Variants in TFG observed in about 807,000 individuals in gnomAD.
TFG encodes the protein trafficking from ER to golgi regulator.
A neutral mutation model predicts 51.4 loss-of-function variants in TFG; 22 were observed. The observed-to-expected ratio is 0.43, with a 90% confidence interval of 0.31 to 0.61. The LOEUF is 0.61. TFG is among the 20% of genes least tolerant of loss of function. The probability of loss-of-function intolerance (pLI) is 0.12; values close to 1 mark genes in which losing one functional copy is unlikely to be tolerated. For missense variants in TFG, 419 were observed against 487.7 expected, an observed-to-expected ratio of 0.86 and a Z score of 1.33; for synonymous variants, 187 against 165.6, an observed-to-expected ratio of 1.13 and a Z score of -0.99.
At chr3:100,746,288 C>T (rs1160878556) in intron 7 of TFG, among the ~76,000 whole-genome samples, 1 of 152,050 alleles carries the variant, frequency 6.6e-6, no homozygotes, top group Non-Finnish European at 1.5e-5. Flanking sequence ...GCCCCATTCC[C>T]AGAGATTTTG....
rs150933046 is a variant in TFG, at chr3:100,736,154, G to T, written c.581-422G>T. Among the ~76,000 whole-genome samples, 917 of 152,222 alleles carry T rather than the reference G, an allele frequency of 6.0e-3. 14 individuals are homozygous for T. Among genetic ancestry groups the T allele is most frequent in the African/African-American group, 0.021 (873 of 41,530 alleles). ...GCTGAAAGGGAGGCATGTGAGAAGAGAAATTGTGAGAAATAATGTTTGGAC... is the reference window on the plus strand; with the variant it reads ...GCTGAAAGGGAGGCATGTGAGAAGATAAATTGTGAGAAATAATGTTTGGAC... On this transcript the variant is annotated intron_variant, in intron 5 of 7. Transcript: ENST00000240851.
intron 3 of TFG, among the ~76,000 whole-genome samples, chr3:100,724,444 G>A (rs957274908): frequency 6.6e-6 from 1 of 152,062 alleles, no homozygotes; most frequent in Non-Finnish European, 1.5e-5. Context: ...AGTATCCTAG[G>A]TAAATTTAAT....
intron 5 of TFG, among the ~76,000 whole-genome samples, chr3:100,735,019 A>AACTGTAATAAATT (rs2095102688): frequency 6.6e-6 from 1 of 152,244 alleles, no homozygotes; most frequent in Admixed American, 6.5e-5. Flanking sequence ...AATGAATATT[A>AACTGTAATAAATT]ACTGTAATAA....
intron 3 of TFG, among the ~76,000 whole-genome samples, chr3:100,725,096 C>T (rs1211459674): frequency 1.3e-5 from 2 of 151,872 alleles, no homozygotes; most frequent in South Asian, 2.1e-4. Context: ...TTAGTAGAGA[C>T]GGGGTTTCAC....
chr3:100,747,402 T>C (rs2095139377), intron 7 of TFG: 1 of 152,520 alleles, frequency 6.6e-6, no homozygotes, highest in African/African-American at 2.4e-5. Context: ...ATCTGGTATT[T>C]AATGCTGACA....
At chr3:100,738,375 C>T (rs2095112418) in intron 6 of TFG, among the ~76,000 whole-genome samples, 1 of 152,008 alleles carries the variant, frequency 6.6e-6, no homozygotes, top group South Asian at 2.1e-4. Flanking sequence ...TAAATAAATC[C>T]CATTTTAAGC....
At chr3:100,733,865 C>G (rs915256996) in intron 5 of TFG, among the ~76,000 whole-genome samples, 1 of 152,164 alleles carries the variant, frequency 6.6e-6, no homozygotes, top group African/African-American at 2.4e-5. Context: ...TGAAAATATG[C>G]ATGCCATAGT....
intron 3 of TFG, among the ~76,000 whole-genome samples, chr3:100,723,403 G>A (rs1480879263): frequency 2.6e-5 from 4 of 151,990 alleles, no homozygotes; most frequent in African/African-American, 9.7e-5. Flanking sequence ...TCAATAGATA[G>A]AACAGAATAC....
chr3:100,736,877 T>C (rs2095108058), intron 6 of TFG, among the ~76,000 whole-genome samples, 161 bp downstream of exon 6: 1 of 152,140 alleles, frequency 6.6e-6, no homozygotes, highest in Admixed American at 6.5e-5. Flanking sequence ...TAGAACAATA[T>C]GTCAGGTATG....
At chr3:100,721,312 C>A (rs2095060172) in intron 3 of TFG, among the ~76,000 whole-genome samples, 1 of 151,452 alleles carries the variant, frequency 6.6e-6, no homozygotes, top group Non-Finnish European at 1.5e-5. Context: ...GCCTGATGTA[C>A]CAAAAGCTGA....
At chr3:100,739,885 G>T (rs973744071) in intron 6 of TFG, among the ~76,000 whole-genome samples, 2 of 152,030 alleles carry the variant, frequency 1.3e-5, no homozygotes, top group African/African-American at 4.8e-5. Flanking sequence ...TTGTGACAGG[G>T]TGTCACTCTG....
chr3:100,741,349 G>A (rs914329414), intron 6 of TFG, among the ~76,000 whole-genome samples: 1 of 151,968 alleles, frequency 6.6e-6, no homozygotes, highest in Non-Finnish European at 1.5e-5. Context: ...TGCTGTATAG[G>A]CCTAGGCTAA....
chr3:100,743,777 G>C (rs1199299630), intron 6 of TFG: 1 of 151,726 alleles, frequency 6.6e-6, no homozygotes, highest in East Asian at 1.9e-4. Flanking sequence ...ACTGCAGCTC[G>C]ATTTGAGTGG....
At chr3:100,738,069 CAAAAA>C (rs2095111411) in intron 6 of TFG, among the ~76,000 whole-genome samples, 1 of 79,420 alleles carries the variant, frequency 1.3e-5, no homozygotes, top group Admixed American at 1.8e-4. Flanking sequence ...GACCCTGTCT[CAAAAA>C]CAAACAAAGC....
chr3:100,738,079 C>G (rs1427198493), intron 6 of TFG, among the ~76,000 whole-genome samples: 1 of 37,268 alleles, frequency 2.7e-5, no homozygotes, highest in Middle Eastern at 0.016. Context: ...CAAAAACAAA[C>G]AAAGCCAAAA....
chr3:100,738,763 C>A (rs191527708), intron 6 of TFG, among the ~76,000 whole-genome samples: 144 of 152,262 alleles, frequency 9.5e-4, no homozygotes, highest in Non-Finnish European at 1.4e-3. Context: ...AATAACTGAT[C>A]TAATTCTAGA....
intron 2 of TFG, among the ~76,000 whole-genome samples, chr3:100,717,174 A>G (rs982280666): frequency 6.6e-6 from 1 of 152,338 alleles, no homozygotes; most frequent in Non-Finnish European, 1.5e-5. Flanking sequence ...TTGGCTATAG[A>G]TAACATGGAT....
At chr3:100,724,506 A>ATTT (rs1406333142) in intron 3 of TFG, among the ~76,000 whole-genome samples, 1 of 152,238 alleles carries the variant, frequency 6.6e-6, no homozygotes, top group Non-Finnish European at 1.5e-5. Flanking sequence ...CATTAAAGAA[A>ATTT]TTGGGCCAAC....
At position 100,713,647 on chromosome 3, in the gene TFG, T is replaced by C. The variant is rs965008323; in HGVS notation, c.-39T>C. The C allele has an allele frequency of 3.6e-6, 5 of 1,388,260 alleles. No individual in the cohort carries two copies. The South Asian group carries it at 5.3e-5, about 15-fold the overall frequency. The allele number at this position is 1,388,260 out of a possible 1,614,324, so 86.0% of individuals were successfully genotyped here. A position where few individuals can be genotyped will look rare whatever the true frequency, so the allele number is the denominator to read the frequency against. ...TATCAAAACCACTTTTATCAGTCTT[T>C]CTCTAGAGTTGTATATATAGAACAT... is the stretch of plus-strand genomic sequence containing the variant. On this transcript the variant is annotated 5_prime_UTR_variant, in exon 2 of 8. Transcript: ENST00000240851.
Sources: allele counts gnomAD v4.1 joint callset (sites outside exome capture counted in the v4.1 genomes callset), GRCh38; gene constraint gnomAD v4.1.1; transcripts MANE v1.5; gene names NCBI Gene and HGNC (gene_info 2026-07-23, HGNC 2026-07-21).